ASCC3: variants seen among roughly 807,000 people sequenced by gnomAD.
ASCC3 encodes the protein ASC-1 complex subunit P200.
ASCC3 carries 158 observed loss-of-function variants against 256.3 expected under a neutral mutation model. That is an observed-to-expected ratio of 0.62 (90% confidence interval 0.54 to 0.70). The LOEUF is 0.70. Among genes scored for constraint, ASCC3 ranks in the 30% least tolerant of loss-of-function variants. The pLI, the probability that ASCC3 is intolerant of heterozygous loss-of-function variation, is 0.00. For synonymous variants in ASCC3, 948 were observed against 883.4 expected (o/e 1.07, Z -1.30); for missense variants, 2,259 against 2,626.0 (o/e 0.86, Z 3.05).
intron 14 of ASCC3, among the ~76,000 whole-genome samples, chr6:100,667,403 T>C (rs1192799903): frequency 6.6e-6 from 1 of 151,930 alleles, no homozygotes; most frequent in East Asian, 1.9e-4. Context: ...GAAAAAAGGA[T>C]TGGGGTCAGG....
intron 34 of ASCC3, among the ~76,000 whole-genome samples, chr6:100,594,762 G>A (rs1772194547): frequency 6.6e-6 from 1 of 152,008 alleles, no homozygotes; most frequent in Admixed American, 6.6e-5. Flanking sequence ...ATTCACAATA[G>A]CCAAGATATG....
chr6:100,868,179 C>A, intron 1 of ASCC3, 141 bp from the exon 2 acceptor site: 1 of 606,136 alleles, frequency 1.6e-6, no homozygotes, highest in Non-Finnish European at 2.9e-6. Flanking sequence ...ATTCTCCTGA[C>A]ATATTTTCTA....
intron 12 of ASCC3, among the ~76,000 whole-genome samples, chr6:100,717,426 A>C (rs1023001241): frequency 2.6e-5 from 4 of 151,990 alleles, no homozygotes; most frequent in Admixed American, 2.6e-4. Flanking sequence ...GGTGTTGTTG[A>C]ATAGGATGAT....
chr6:100,581,697 T>C (rs1455898126), intron 36 of ASCC3, among the ~76,000 whole-genome samples: 1 of 152,160 alleles, frequency 6.6e-6, no homozygotes, highest in Non-Finnish European at 1.5e-5. Context: ...GGTTTTCTTC[T>C]AGGGTTTTTA....
At position 100,631,232 on chromosome 6, in the gene ASCC3, C is replaced by T. The variant is rs533026216; in HGVS notation, c.4123-19G>A. 2 of 1,555,108 alleles carry T rather than the reference C, an allele frequency of 1.3e-6. No homozygotes were observed. The highest frequency in any genetic ancestry group is 1.1e-5 in the South Asian group (1 of 89,490). On this transcript the variant is annotated intron_variant, in intron 25 of 41. Transcript: ENST00000369162. ...ATACCGCCTAAAAAGGGGAGAATAGCCAAAAATACTCTTATGAAAATAGTG... is the reference window on the plus strand; with the variant it reads ...ATACCGCCTAAAAAGGGGAGAATAGTCAAAAATACTCTTATGAAAATAGTG...
At chr6:100,527,538 T>C (rs1774639113) in intron 37 of ASCC3, among the ~76,000 whole-genome samples, 1 of 152,198 alleles carries the variant, frequency 6.6e-6, no homozygotes, top group Non-Finnish European at 1.5e-5. Context: ...TGACATTCTT[T>C]AATACATCAC....
At chr6:100,848,801 A>C in intron 3 of ASCC3, 94 bp from the exon 4 acceptor site, 1 of 1,218,694 alleles carries the variant, frequency 8.2e-7, no homozygotes, top group Non-Finnish European at 1.2e-6. Context: ...CTCCTGAGTA[A>C]ATCTAACAGT....
At chr6:100,838,587 T>A (rs969316133) in intron 4 of ASCC3, among the ~76,000 whole-genome samples, 2 of 152,084 alleles carry the variant, frequency 1.3e-5, no homozygotes, top group Admixed American at 6.6e-5. Flanking sequence ...AGGTACTTAA[T>A]CTACACAACA....
At chr6:100,612,247 T>C (rs1421918830) in intron 30 of ASCC3, among the ~76,000 whole-genome samples, 3 of 152,030 alleles carry the variant, frequency 2.0e-5, no homozygotes, top group Non-Finnish European at 2.9e-5. Context: ...TCCAGTCGAA[T>C]ATAATTCAGT....
At chr6:100,718,621 G>A (rs1298491026) in intron 11 of ASCC3, among the ~76,000 whole-genome samples, 1 of 151,968 alleles carries the variant, frequency 6.6e-6, no homozygotes, top group Admixed American at 6.6e-5. Flanking sequence ...ATTAACTGGT[G>A]TGGTGGCACA....
At chr6:100,612,626 AAACAT>A (rs1365015594) in intron 30 of ASCC3, among the ~76,000 whole-genome samples, 1 of 152,008 alleles carries the variant, frequency 6.6e-6, no homozygotes, top group Non-Finnish European at 1.5e-5. Context: ...AATGACACTA[AAACAT>A]TTCCTTATAA....
intron 34 of ASCC3, among the ~76,000 whole-genome samples, chr6:100,593,074 C>T (rs188945388): frequency 1.2e-3 from 190 of 152,200 alleles, no homozygotes; most frequent in African/African-American, 4.4e-3. Context: ...TAAGACTTCT[C>T]TATATTGGAC....
chr6:100,636,874 G>C (rs1207940392), intron 25 of ASCC3, among the ~76,000 whole-genome samples: 2 of 152,150 alleles, frequency 1.3e-5, no homozygotes, highest in Admixed American at 1.3e-4. Context: ...AGAGTGGTGA[G>C]GACACTCCAG....
chr6:100,672,400 C>G (rs1307818258), intron 14 of ASCC3, among the ~76,000 whole-genome samples: 1 of 151,814 alleles, frequency 6.6e-6, no homozygotes, highest in Non-Finnish European at 1.5e-5. Context: ...AATATAATTT[C>G]CCAGATCTCA....
intron 4 of ASCC3, among the ~76,000 whole-genome samples, chr6:100,821,231 G>C (rs1324043575): frequency 1.3e-5 from 2 of 152,064 alleles, no homozygotes; most frequent in East Asian, 3.9e-4. Context: ...GCCCAGTTGA[G>C]TCTCAAACTC....
intron 29 of ASCC3, among the ~76,000 whole-genome samples, chr6:100,625,867 G>C (rs1028412509): frequency 6.6e-6 from 1 of 152,006 alleles, no homozygotes; most frequent in Admixed American, 6.6e-5. Flanking sequence ...CCAGTAAACA[G>C]GTTAAGAGAT....
At chr6:100,530,619 T>C (rs1582396833) in intron 37 of ASCC3, 2 of 799,588 alleles carry the variant, frequency 2.5e-6, no homozygotes, top group East Asian at 4.8e-5. Context: ...AGCAATACAG[T>C]GTGAGTTCTC....
chr6:100,652,618 T>C, intron 18 of ASCC3, 107 bp downstream of exon 18: 1 of 1,215,906 alleles, frequency 8.2e-7, no homozygotes. Context: ...ATAAGTTAAA[T>C]GGATTTTGTT....
chr6:100,633,871 C>T (rs1444333560), intron 25 of ASCC3, among the ~76,000 whole-genome samples: 2 of 127,060 alleles, frequency 1.6e-5, no homozygotes, highest in Admixed American at 1.7e-4. Flanking sequence ...GAGCAAAACT[C>T]CGTCTCAAAA....
Sources: gnomAD v4.1 joint callset for allele counts (sites outside exome capture counted in the v4.1 genomes callset) on GRCh38, gnomAD v4.1.1 for gene constraint, MANE v1.5 for transcripts, NCBI Gene and HGNC (gene_info 2026-07-23, HGNC 2026-07-21) for gene names.